The following GABRG3 variants were observed in gnomAD, a reference collection of about 807,000 sequenced individuals.
GABRG3 encodes gamma-aminobutyric acid receptor subunit gamma-3.
In GABRG3, 25 loss-of-function variants were observed where a neutral mutation model predicts 48.8. The observed-to-expected ratio is 0.51, with a 90% confidence interval of 0.37 to 0.72. The LOEUF (loss-of-function observed/expected upper bound fraction) is 0.72. Among genes scored for constraint, GABRG3 ranks in the 30% least tolerant of loss-of-function variants. The pLI is 0.00. For synonymous variants in GABRG3, 227 were observed against 217.6 expected, an observed-to-expected ratio of 1.04 and a Z score of -0.38; for missense variants, 394 against 577.9, an observed-to-expected ratio of 0.68 and a Z score of 3.26.
intron 3 of GABRG3, among the ~76,000 whole-genome samples, chr15:27,209,813 A>T (rs1414896863): frequency 6.6e-6 from 1 of 152,214 alleles, no homozygotes; most frequent in East Asian, 1.9e-4. Context: ...GAAGTCCAAG[A>T]TCAAGATGTC....
At chr15:27,527,346 T>C (rs1891301449) in intron 7 of GABRG3, 87 bp from the exon 8 acceptor site, 1 of 1,246,118 alleles carries the variant, frequency 8.0e-7, no homozygotes, top group Non-Finnish European at 1.1e-6. Flanking sequence ...AAGGCAGCCG[T>C]GCTGGGGTGG....
chr15:27,239,403 A>G (rs1890070982), intron 3 of GABRG3, among the ~76,000 whole-genome samples: 1 of 152,220 alleles, frequency 6.6e-6, no homozygotes, highest in Non-Finnish European at 1.5e-5. Flanking sequence ...ACAATCACAG[A>G]AGAATATTCG....
intron 3 of GABRG3, among the ~76,000 whole-genome samples, chr15:27,248,835 G>A (rs1172729544): frequency 3.5e-5 from 5 of 142,896 alleles, no homozygotes; most frequent in South Asian, 2.3e-4. Context: ...GAGAGAGAGA[G>A]ACAGAGAGAA....
At chr15:27,323,032 T>G (rs1034466288) in intron 3 of GABRG3, among the ~76,000 whole-genome samples, 27 of 152,100 alleles carry the variant, frequency 1.8e-4, no homozygotes, top group South Asian at 4.1e-4. Context: ...ATACTGCATC[T>G]TAAAGTGCTT....
At chr15:27,146,076 A>T (rs1898203750) in intron 3 of GABRG3, among the ~76,000 whole-genome samples, 1 of 152,208 alleles carries the variant, frequency 6.6e-6, no homozygotes, top group African/African-American at 2.4e-5. Flanking sequence ...AAAACGTATC[A>T]CTAGCAGACT....
At chr15:27,174,925 C>T (rs145855149) in intron 3 of GABRG3, among the ~76,000 whole-genome samples, 9 of 152,144 alleles carry the variant, frequency 5.9e-5, no homozygotes, top group South Asian at 4.1e-4. Context: ...CCTTGGGCAT[C>T]GGCACATGGA....
intron 9 of GABRG3, 69 bp downstream of exon 9, chr15:27,528,061 T>C: frequency 8.6e-7 from 1 of 1,164,184 alleles, no homozygotes. Context: ...ATTTGAAAGA[T>C]AGATTGCTGT....
At chr15:27,516,557 A>G (rs577493696) in intron 6 of GABRG3, among the ~76,000 whole-genome samples, 1 of 152,260 alleles carries the variant, frequency 6.6e-6, no homozygotes, top group African/African-American at 2.4e-5. Context: ...ATGGGCAGCA[A>G]TCTAATCTAA....
At chr15:27,263,014 A>T (rs556205668) in intron 3 of GABRG3, among the ~76,000 whole-genome samples, 1 of 152,202 alleles carries the variant, frequency 6.6e-6, no homozygotes, top group African/African-American at 2.4e-5. Flanking sequence ...TTCCCATTGT[A>T]GCCCAGGATA....
At position 27,447,301 on chromosome 15, in the gene GABRG3, C is replaced by G. The variant is rs932942900; in HGVS notation, c.575-33349C>G. On this transcript the variant is annotated intron_variant, in intron 5 of 9. Coordinates refer to ENST00000615808, the MANE Select transcript of GABRG3 (RefSeq NM_033223.5). This position sits in a 1 kb window ranked among gnomAD's most constrained non-coding sequence, Gnocchi z 4.0. ...CCTGCAGCACCCCAGGGAAAGGAGTCGAGCATGGCTGAGACTGGGCATGTA... is the reference window on the plus strand; with the variant it reads ...CCTGCAGCACCCCAGGGAAAGGAGTGGAGCATGGCTGAGACTGGGCATGTA... Among the ~76,000 whole-genome samples, 1 of 152,100 alleles carries G rather than the reference C, an allele frequency of 6.6e-6. No individual in the cohort carries two copies. Among genetic ancestry groups the G allele is most frequent in the Non-Finnish European group, 1.5e-5 (1 of 68,012 alleles).
chr15:27,199,408 G>A (rs1405697806), intron 3 of GABRG3, among the ~76,000 whole-genome samples: 1 of 152,114 alleles, frequency 6.6e-6, no homozygotes, highest in Non-Finnish European at 1.5e-5. Flanking sequence ...CACTGGGAGG[G>A]TGAGGACTCT....
At chr15:27,440,045 C>G (rs1888737232) in intron 5 of GABRG3, among the ~76,000 whole-genome samples, 1 of 152,148 alleles carries the variant, frequency 6.6e-6, no homozygotes, top group African/African-American at 2.4e-5. Flanking sequence ...CTCTGCCCGT[C>G]CCACTTCTCT....
intron 3 of GABRG3, among the ~76,000 whole-genome samples, chr15:27,192,594 C>A (rs1888355755): frequency 6.6e-6 from 1 of 152,160 alleles, no homozygotes; most frequent in Non-Finnish European, 1.5e-5. Context: ...TTAAGCAATT[C>A]TCTGTATTGG....
intron 3 of GABRG3, among the ~76,000 whole-genome samples, chr15:27,152,189 T>A (rs551917649): frequency 1.3e-3 from 200 of 152,332 alleles, no homozygotes; most frequent in Non-Finnish European, 2.6e-3. Flanking sequence ...GTTAATCTTT[T>A]TAAAAATAAA....
At chr15:27,508,865 C>T (rs775730580) in intron 6 of GABRG3, among the ~76,000 whole-genome samples, 5 of 152,064 alleles carry the variant, frequency 3.3e-5, no homozygotes, top group Non-Finnish European at 5.9e-5. Context: ...AGGCACCCAC[C>T]ACCACACCCA....
At chr15:27,350,183 T>G (rs761267869) in intron 5 of GABRG3, 1 of 456,040 alleles carries the variant, frequency 2.2e-6, no homozygotes, top group South Asian at 1.5e-5. Context: ...TTTAAAAGTT[T>G]CAAGCTTGAT....
chr15:27,269,575 A>G (rs938442223), intron 3 of GABRG3, among the ~76,000 whole-genome samples: 2 of 152,218 alleles, frequency 1.3e-5, no homozygotes, highest in African/African-American at 4.8e-5. Context: ...AGCAAGTTTC[A>G]TATTTTAAAT....
At chr15:27,046,061 C>G (rs959067166) in intron 3 of GABRG3, among the ~76,000 whole-genome samples, 1 of 152,078 alleles carries the variant, frequency 6.6e-6, no homozygotes, top group Non-Finnish European at 1.5e-5. Flanking sequence ...GAAGGGATGC[C>G]CTTGAATCCT....
At chr15:27,406,707 T>C (rs1371349864) in intron 5 of GABRG3, among the ~76,000 whole-genome samples, 1 of 152,162 alleles carries the variant, frequency 6.6e-6, no homozygotes, top group Non-Finnish European at 1.5e-5. Context: ...GATCCAAGGC[T>C]GAATTCTGGA....
Sources: gnomAD v4.1 joint callset for allele counts (sites outside exome capture counted in the v4.1 genomes callset) on GRCh38, gnomAD v4.1.1 for gene constraint, Gnocchi (gnomAD v3.1) non-coding constraint, MANE v1.5 for transcripts, NCBI Gene and HGNC (gene_info 2026-07-23, HGNC 2026-07-21) for gene names.